The following CD2AP variants were observed in gnomAD, a reference collection of about 807,000 sequenced individuals.
CD2AP encodes CD2 associated protein.
CD2AP carries 46 observed loss-of-function variants against 85.1 expected under a neutral mutation model. The observed-to-expected ratio is 0.54, with a 90% CI of 0.43 to 0.69. CD2AP has a LOEUF of 0.69. Among genes scored for constraint, CD2AP ranks in the 30% least tolerant of loss-of-function variants. CD2AP has a pLI of 0.00. For synonymous variants in CD2AP, 255 were observed against 252.9 expected (o/e 1.01, Z -0.08); for missense variants, 769 against 729.5 (o/e 1.05, Z -0.62).
At chr6:47,537,122 G>C (rs1767072503) in intron 3 of CD2AP, among the ~76,000 whole-genome samples, 1 of 152,200 alleles carries the variant, frequency 6.6e-6, no homozygotes, top group Non-Finnish European at 1.5e-5. Context: ...TACTGCAAGG[G>C]ATGATGTTGC....
intron 5 of CD2AP, among the ~76,000 whole-genome samples, chr6:47,563,961 A>C (rs916442168): frequency 1.6e-4 from 25 of 152,168 alleles, no homozygotes. Flanking sequence ...TAATAGTTTC[A>C]GTTTTCTTTA....
At chr6:47,479,255 G>A (rs746907053) in intron 1 of CD2AP, among the ~76,000 whole-genome samples, 2 of 152,198 alleles carry the variant, frequency 1.3e-5, no homozygotes, top group African/African-American at 4.8e-5. Flanking sequence ...TTGAGAGTTG[G>A]TACTGCTTCA....
chr6:47,611,818 A>G (rs2114153315), intron 16 of CD2AP, among the ~76,000 whole-genome samples: 1 of 152,164 alleles, frequency 6.6e-6, no homozygotes, highest in Admixed American at 6.5e-5. Context: ...ATATTTGAAT[A>G]CCAAATCACA....
intron 11 of CD2AP, among the ~76,000 whole-genome samples, chr6:47,593,203 GACT>G (rs930170648): frequency 2.0e-5 from 3 of 152,182 alleles, no homozygotes; most frequent in African/African-American, 7.2e-5. Flanking sequence ...GTTCTTTTTA[GACT>G]ATGTCACAAA....
intron 1 of CD2AP, among the ~76,000 whole-genome samples, chr6:47,485,812 T>C (rs1380772641): frequency 1.3e-5 from 2 of 152,202 alleles, no homozygotes; most frequent in Admixed American, 1.3e-4. Flanking sequence ...ACTTAACCAT[T>C]GTGTTACAGT....
intron 16 of CD2AP, among the ~76,000 whole-genome samples, chr6:47,611,186 C>T (rs1194210138): frequency 6.7e-6 from 1 of 150,178 alleles, no homozygotes; most frequent in Non-Finnish European, 1.5e-5. Context: ...GTTTCAACAT[C>T]AATATGAATT....
chr6:47,520,615 G>C (rs912963458), intron 2 of CD2AP, among the ~76,000 whole-genome samples: 13 of 152,072 alleles, frequency 8.5e-5, no homozygotes, highest in Admixed American at 2.6e-4. Context: ...GGTGGTGGTT[G>C]GGGGCGAAAG....
At chr6:47,501,166 C>T (rs1008524168) in intron 1 of CD2AP, among the ~76,000 whole-genome samples, 1 of 152,118 alleles carries the variant, frequency 6.6e-6, no homozygotes. Flanking sequence ...GTGGGAGGAT[C>T]GCTTGAGCCC....
chr6:47,501,594 A>G (rs1043576394), intron 1 of CD2AP, among the ~76,000 whole-genome samples: 6 of 151,396 alleles, frequency 4.0e-5, no homozygotes, highest in Admixed American at 2.6e-4. Context: ...TTAACAAACA[A>G]CAGTGTCTGG....
chr6:47,489,768 T>C (rs1005970552), intron 1 of CD2AP, among the ~76,000 whole-genome samples: 2 of 152,194 alleles, frequency 1.3e-5, no homozygotes, highest in Non-Finnish European at 2.9e-5. Context: ...AATCAAACTT[T>C]CATTGTTCTC....
chr6:47,490,789 G>A (rs1324727191), intron 1 of CD2AP, among the ~76,000 whole-genome samples: 3 of 152,154 alleles, frequency 2.0e-5, no homozygotes, highest in Non-Finnish European at 2.9e-5. Context: ...CTTTGGATAT[G>A]TGCTAAGAGT....
intron 2 of CD2AP, among the ~76,000 whole-genome samples, chr6:47,525,109 C>T (rs1328484615): frequency 2.0e-5 from 3 of 151,630 alleles, no homozygotes; most frequent in East Asian, 3.9e-4. Context: ...GTATGGTAGG[C>T]CATTTTGTTA....
At chr6:47,514,710 A>C (rs1233241128) in intron 2 of CD2AP, among the ~76,000 whole-genome samples, 1 of 152,186 alleles carries the variant, frequency 6.6e-6, no homozygotes. Context: ...TGATAAGATG[A>C]TAGGTGTTAC....
At chr6:47,596,119 T>C in intron 12 of CD2AP, 93 bp downstream of exon 12, 1 of 892,916 alleles carries the variant, frequency 1.1e-6, no homozygotes, top group Non-Finnish European at 1.8e-6. Flanking sequence ...GGTATGTTTT[T>C]TCTTATTTTT....
chr6:47,485,046 C>T (rs1765532140), intron 1 of CD2AP, among the ~76,000 whole-genome samples: 1 of 152,124 alleles, frequency 6.6e-6, no homozygotes, highest in South Asian at 2.1e-4. Flanking sequence ...CAAACCCGCA[C>T]TACCAGTTGT....
intron 1 of CD2AP, among the ~76,000 whole-genome samples, chr6:47,480,175 G>A (rs375376540): frequency 3.9e-5 from 6 of 152,020 alleles, no homozygotes; most frequent in African/African-American, 1.4e-4. Context: ...GGGCATTTGT[G>A]GTTAAGTTTT....
chr6:47,617,155 G>A (rs939765570), intron 17 of CD2AP, among the ~76,000 whole-genome samples: 9 of 152,026 alleles, frequency 5.9e-5, no homozygotes, highest in Non-Finnish European at 1.0e-4. Context: ...TGTAGGGACT[G>A]GTTCTCACCA....
At chr6:47,517,783 G>C (rs1766491311) in intron 2 of CD2AP, among the ~76,000 whole-genome samples, 1 of 152,018 alleles carries the variant, frequency 6.6e-6, no homozygotes, top group Non-Finnish European at 1.5e-5. Context: ...GTTTCCCTGG[G>C]TAAGTTATTT....
At chr6:47,566,323 T>TACATACACACAC (rs1554178585) in intron 5 of CD2AP, among the ~76,000 whole-genome samples, 2 of 108,450 alleles carry the variant, frequency 1.8e-5, no homozygotes, top group African/African-American at 2.9e-5. Flanking sequence ...TATATATATA[T>TACATACACACAC]ACACATACAC....
Sources: gnomAD v4.1 joint callset for allele counts (sites outside exome capture counted in the v4.1 genomes callset) on GRCh38, gnomAD v4.1.1 for gene constraint, MANE v1.5 for transcripts, NCBI Gene and HGNC (gene_info 2026-07-23, HGNC 2026-07-21) for gene names.